Variants in ZNF385D observed in about 807,000 individuals in gnomAD.
ZNF385D encodes zinc finger protein 385D, also known as zinc finger protein 659.
ZNF385D carries 15 observed loss-of-function variants against 35.8 expected under a neutral mutation model. That is an observed-to-expected ratio of 0.42 (90% CI 0.28 to 0.64). The LOEUF is 0.64. ZNF385D is among the 30% of genes least tolerant of loss of function. The pLI is 0.23. For synonymous variants in ZNF385D, 212 were observed against 186.8 expected, an observed-to-expected ratio of 1.13 and a Z score of -1.10; for missense variants, 474 against 494.6, an observed-to-expected ratio of 0.96 and a Z score of 0.39.
intron 3 of ZNF385D, among the ~76,000 whole-genome samples, chr3:22,135,381 T>C (rs1203389213): frequency 2.0e-5 from 3 of 152,024 alleles, no homozygotes; most frequent in Admixed American, 6.6e-5. Flanking sequence ...GCAATAATAA[T>C]TGAAAACAGA....
chr3:21,600,233 T>A (rs1559447754), intron 2 of ZNF385D, among the ~76,000 whole-genome samples: 1 of 152,232 alleles, frequency 6.6e-6, no homozygotes, highest in Non-Finnish European at 1.5e-5. Context: ...GAGTAGCCGT[T>A]CTTTCATTCC....
intron 2 of ZNF385D, among the ~76,000 whole-genome samples, chr3:21,662,280 G>A (rs1168755688): frequency 6.6e-6 from 1 of 152,142 alleles, no homozygotes; most frequent in Non-Finnish European, 1.5e-5. Context: ...GCCAGGTGCT[G>A]ACCATCTCAT....
rs1005037368 is a variant in ZNF385D at position 21,443,381 on chromosome 3, A to G, written c.440-6178T>C. 7 of 983,498 alleles carry G rather than the reference A, an allele frequency of 7.1e-6. No individual in the cohort carries two copies. In the African/African-American group the frequency reaches 1.0e-4, roughly 15 times the overall value. 60.9% of individuals were successfully genotyped at this position (983,498 alleles called of 1,614,324 possible). On this transcript the variant is annotated intron_variant, in intron 4 of 7. Coordinates refer to ENST00000281523, the MANE Select transcript of ZNF385D (RefSeq NM_024697.3). ...ATACATATTTAGATATATGGCATAT[A>G]GTCTCCATTTGTATGCTCGGTCCTG...
At chr3:21,575,880 C>T (rs1390828230) in intron 2 of ZNF385D, among the ~76,000 whole-genome samples, 1 of 152,138 alleles carries the variant, frequency 6.6e-6, no homozygotes. Flanking sequence ...AATTGAGCAA[C>T]ATTGAAACCC....
In ZNF385D at chr3:21,603,290, C is replaced by G. The variant is rs758807952; in HGVS notation, c.166-38606G>C. Among the ~76,000 whole-genome samples, 67 of 152,276 alleles carry G rather than the reference C, an allele frequency of 4.4e-4. 1 individual carries two copies. Among genetic ancestry groups the G allele is most frequent in the Non-Finnish European group, 1.0e-4 (7 of 68,032 alleles). On this transcript the variant is annotated intron_variant, in intron 2 of 7. Coordinates refer to ENST00000281523, the MANE Select transcript of ZNF385D (RefSeq NM_024697.3). ...CTTATATAATGCTGGAAGATATGCA[C>G]ATTAGTGCGACAGTTCTGTTTTGTA...
At chr3:21,653,998 A>G (rs2125227996) in intron 2 of ZNF385D, among the ~76,000 whole-genome samples, 2 of 152,180 alleles carry the variant, frequency 1.3e-5, no homozygotes, top group Middle Eastern at 6.8e-3. Context: ...AGATGTTTTG[A>G]TAAAACTGAT....
At chr3:21,439,519 A>G (rs1701753911) in intron 4 of ZNF385D, among the ~76,000 whole-genome samples, 1 of 151,966 alleles carries the variant, frequency 6.6e-6, no homozygotes, top group Non-Finnish European at 1.5e-5. Flanking sequence ...ATTGAAATCT[A>G]CTATGGTAAA....
chr3:21,972,092 C>T (rs926308671), intron 3 of ZNF385D, among the ~76,000 whole-genome samples: 2 of 151,962 alleles, frequency 1.3e-5, no homozygotes, highest in African/African-American at 2.4e-5. Context: ...TTGATATGCA[C>T]TAAGAACAAA....
At chr3:22,116,253 C>T (rs543730199) in intron 3 of ZNF385D, among the ~76,000 whole-genome samples, 26 of 151,944 alleles carry the variant, frequency 1.7e-4, no homozygotes, top group Admixed American at 5.3e-4. Flanking sequence ...ATAGATTTCC[C>T]GGATGTCTAC....
At chr3:21,439,004 G>A (rs1361459071) in intron 4 of ZNF385D, among the ~76,000 whole-genome samples, 1 of 151,946 alleles carries the variant, frequency 6.6e-6, no homozygotes, top group African/African-American at 2.4e-5. Flanking sequence ...GCTGATTATT[G>A]CCCCCTATAT....
At chr3:21,674,410 G>A (rs1384195430) in intron 1 of ZNF385D, among the ~76,000 whole-genome samples, 2 of 152,068 alleles carry the variant, frequency 1.3e-5, no homozygotes, top group African/African-American at 4.8e-5. Flanking sequence ...AGCCTGATAG[G>A]CATAGAAAGG....
At position 21,796,677 on chromosome 3, in the gene ZNF385D, C is replaced by T. The variant is rs73142836; in HGVS notation, c.326-131649G>A. 7.7e-3 allele frequency among the ~76,000 whole-genome samples: 1,169 copies of T among 152,248 alleles called. 17 individuals are homozygous for T. The highest frequency in any genetic ancestry group is 0.027 in the African/African-American group (1,109 of 41,556). On this transcript the variant is annotated intron_variant, in intron 3 of 5. Coordinates refer to the ZNF385D transcript ENST00000494108. ...ACTATAAAAATCATGGAAGGTAACA[C>T]AGGAACACATCTACATGACATTTGG...
chr3:22,319,651 C>T (rs1446269175), intron 2 of ZNF385D, among the ~76,000 whole-genome samples: 1 of 152,082 alleles, frequency 6.6e-6, no homozygotes, highest in Non-Finnish European at 1.5e-5. Flanking sequence ...TGAACACTGA[C>T]TCACAATCTC....
chr3:22,353,340 C>A (rs1696004160), intron 2 of ZNF385D, among the ~76,000 whole-genome samples: 1 of 152,184 alleles, frequency 6.6e-6, no homozygotes, highest in Non-Finnish European at 1.5e-5. Context: ...TGGACCATGA[C>A]CATGCCCAAG....
At chr3:21,463,166 G>A (rs1197181959) in intron 4 of ZNF385D, among the ~76,000 whole-genome samples, 4 of 151,650 alleles carry the variant, frequency 2.6e-5, no homozygotes, top group African/African-American at 9.7e-5. Flanking sequence ...TTTAAAAGTT[G>A]TAAACATACA....
chr3:21,440,463 T>C (rs780330923), intron 4 of ZNF385D, among the ~76,000 whole-genome samples: 1 of 152,076 alleles, frequency 6.6e-6, no homozygotes, highest in Non-Finnish European at 1.5e-5. Context: ...TGCAGAACTA[T>C]CACAGTCTAG....
At chr3:21,874,887 T>C (rs1697882525) in intron 3 of ZNF385D, among the ~76,000 whole-genome samples, 3 of 152,104 alleles carry the variant, frequency 2.0e-5, no homozygotes, top group Non-Finnish European at 4.4e-5. Flanking sequence ...CACTTGTTTG[T>C]TTGTTCTTTA....
intron 3 of ZNF385D, among the ~76,000 whole-genome samples, chr3:21,956,117 A>G (rs980352585): frequency 9.9e-5 from 15 of 151,872 alleles, no homozygotes; most frequent in African/African-American, 3.6e-4. Flanking sequence ...AGCCCAGGAG[A>G]TAGAGGCTGC....
chr3:22,204,322 A>G (rs757884389), intron 2 of ZNF385D, among the ~76,000 whole-genome samples: 8 of 152,114 alleles, frequency 5.3e-5, no homozygotes, highest in Non-Finnish European at 1.2e-4. Context: ...TAACAGCTGT[A>G]GTGACCAAGA....
Sources: gnomAD v4.1 joint callset for allele counts (sites outside exome capture counted in the v4.1 genomes callset) on GRCh38, gnomAD v4.1.1 for gene constraint, MANE v1.5 for transcripts, NCBI Gene and HGNC (gene_info 2026-07-23, HGNC 2026-07-21) for gene names.